ADCY1: variants seen among roughly 807,000 people sequenced by gnomAD.
ADCY1 encodes the protein adenylate cyclase type 1.
ADCY1 carries 28 observed loss-of-function variants against 105.4 expected under a neutral mutation model. That is an observed-to-expected ratio of 0.27 (90% confidence interval 0.20 to 0.36). The LOEUF (loss-of-function observed/expected upper bound fraction) is 0.36, where lower values mean the gene tolerates loss of function less well. Among genes scored for constraint, ADCY1 ranks in the 10% least tolerant of loss-of-function variants. The probability of loss-of-function intolerance (pLI) is 1.00; values close to 1 mark genes in which losing one functional copy is unlikely to be tolerated. For missense variants in ADCY1, 977 were observed against 1,434.2 expected (o/e 0.68, Z 5.15); for synonymous variants, 655 against 623.8 (o/e 1.05, Z -0.75).
chr7:45,576,331 A>G (rs1792346949), intron 1 of ADCY1, among the ~76,000 whole-genome samples: 1 of 152,088 alleles, frequency 6.6e-6, no homozygotes, highest in African/African-American at 2.4e-5. Flanking sequence ...CTGTGATGCC[A>G]GGGGCAGCAC....
intron 10 of ADCY1, 110 bp downstream of exon 10, chr7:45,678,373 T>A: frequency 9.8e-7 from 1 of 1,023,368 alleles, no homozygotes; most frequent in South Asian, 1.3e-5. Flanking sequence ...ATGCTCAAGC[T>A]TCGTCTCCCA....
At position 45,721,973 on chromosome 7, in the gene ADCY1, CTG is replaced by C. The variant is rs1785482777; in HGVS notation, c.*7981_*7982del. 2 of 396,886 alleles carry C rather than the reference CTG, an allele frequency of 5.0e-6. No individual in the cohort carries two copies. The highest frequency in any genetic ancestry group is 8.9e-6 in the Non-Finnish European group (2 of 225,282). The allele number at this position is 396,886 out of a possible 1,614,324, so 24.6% of individuals were successfully genotyped here. Reference sequence around the variant, plus strand: ...GGCTGAATAAATATCTCGTGCAGGACTGTGCAACAGTAGCCCAGAGCATCCTG... The same window carrying C: ...GGCTGAATAAATATCTCGTGCAGGACTGCAACAGTAGCCCAGAGCATCCTG... On this transcript the variant is annotated 3_prime_UTR_variant, in exon 20 of 20. Coordinates refer to ENST00000297323, the MANE Select transcript of ADCY1 (RefSeq NM_021116.4).
At chr7:45,707,332 A>G (rs1023884259) in intron 17 of ADCY1, among the ~76,000 whole-genome samples, 2 of 152,250 alleles carry the variant, frequency 1.3e-5, no homozygotes, top group African/African-American at 4.8e-5. Flanking sequence ...TATATCCATA[A>G]GGTAGAATAT....
intron 1 of ADCY1, among the ~76,000 whole-genome samples, chr7:45,579,139 A>G (rs1410698669): frequency 6.6e-6 from 1 of 152,116 alleles, no homozygotes. Context: ...AGCACGCAGA[A>G]TCATAGGGCT....
chr7:45,659,594 T>C (rs1163635991), intron 6 of ADCY1, among the ~76,000 whole-genome samples: 1 of 152,186 alleles, frequency 6.6e-6, no homozygotes, highest in Non-Finnish European at 1.5e-5. Flanking sequence ...GTGAACACCG[T>C]GGCCACCCCT....
intron 1 of ADCY1, among the ~76,000 whole-genome samples, chr7:45,586,936 C>T (rs1370417171): frequency 6.6e-6 from 1 of 152,262 alleles, no homozygotes; most frequent in Middle Eastern, 3.2e-3. Flanking sequence ...CGACCTGTGC[C>T]TGCACTCTTG....
At position 45,617,189 on chromosome 7, in the gene ADCY1, A is replaced by ATT. The variant is rs545020692; in HGVS notation, c.909-5441_909-5440dup. 2.0e-5 allele frequency among the ~76,000 whole-genome samples: 3 copies of ATT among 152,314 alleles called. No individual in the cohort carries two copies. In the South Asian group the frequency reaches 6.2e-4, roughly 32 times the overall value. On this transcript the variant is annotated intron_variant, in intron 3 of 19. Transcript: ENST00000297323. ...CCTAGGCATTCAGGAAATGTGGGCT[A>ATT]TTTGCTTGTGGAACTGGAGCAAAGC...
At position 45,722,070 on chromosome 7, in the gene ADCY1, C is replaced by T; in HGVS notation, c.*8075C>T. ...CCGACGGCAGCCAGAACTTGTTTCT[C>T]ACCTCCCACCAGCAACCCCCCACCC... is the stretch of plus-strand genomic sequence containing the variant. On this transcript the variant is annotated 3_prime_UTR_variant, in exon 20 of 20. Transcript: ENST00000297323. 1 of 366,094 alleles carries T rather than the reference C, an allele frequency of 2.7e-6. No individual in the cohort carries two copies. Among genetic ancestry groups the T allele is most frequent in the Non-Finnish European group, 4.9e-6 (1 of 205,484 alleles). The allele number at this position is 366,094 out of a possible 1,614,324, so 22.7% of individuals were successfully genotyped here.
intron 8 of ADCY1, among the ~76,000 whole-genome samples, chr7:45,673,587 C>T (rs1784401127): frequency 6.6e-6 from 1 of 151,724 alleles, no homozygotes. Flanking sequence ...CCTTCATTAA[C>T]CTTTTGATGC....
At position 45,708,532 on chromosome 7, in the gene ADCY1, A is replaced by T; in HGVS notation, c.2932+68A>T. 1 of 1,223,066 alleles carries T rather than the reference A, an allele frequency of 8.2e-7. No individual in the cohort carries two copies. The highest frequency in any genetic ancestry group is 1.7e-5 in the Admixed American group (1 of 57,330). The allele number at this position is 1,223,066 out of a possible 1,614,324, so 75.8% of individuals were successfully genotyped here. On this transcript the variant is annotated intron_variant, in intron 18 of 19. Transcript: ENST00000297323. The surrounding 1 kb of genome is among the most constrained non-coding windows in gnomAD (Gnocchi z 4.7). The stretch of plus-strand genomic sequence containing the variant: ...CTTCCTACACCCACCTAGGGGTGGG[A>T]TCAGCTGATGAGGTACCCTGGTCTT...
chr7:45,608,388 G>A (rs757505530), intron 2 of ADCY1, among the ~76,000 whole-genome samples: 1 of 152,196 alleles, frequency 6.6e-6, no homozygotes. Flanking sequence ...ACATCTAGCT[G>A]CATGGGAGGC....
intron 3 of ADCY1, among the ~76,000 whole-genome samples, chr7:45,619,992 A>T (rs1256651137): frequency 6.6e-6 from 1 of 152,230 alleles, no homozygotes; most frequent in African/African-American, 2.4e-5. Context: ...CACAATTTTT[A>T]TGTCAATGGT....
At chr7:45,664,613 T>G (rs1795220895) in intron 8 of ADCY1, 2 of 913,812 alleles carry the variant, frequency 2.2e-6, no homozygotes, top group Admixed American at 3.4e-5. Flanking sequence ...AACATTTTGT[T>G]CCTTCCAGTT....
chr7:45,695,024 G>A (rs925171500), intron 14 of ADCY1, among the ~76,000 whole-genome samples: 2 of 152,218 alleles, frequency 1.3e-5, no homozygotes, highest in African/African-American at 4.8e-5. Flanking sequence ...AACTCAAGCT[G>A]CCTTGGGCTT....
At chr7:45,693,470 CTT>C (rs1584336398) in intron 14 of ADCY1, among the ~76,000 whole-genome samples, 1 of 144,742 alleles carries the variant, frequency 6.9e-6, no homozygotes, top group East Asian at 2.0e-4. Context: ...GTCCTGGACT[CTT>C]TTTGGTTGGT....
At chr7:45,622,247 T>G (rs915912898) in intron 3 of ADCY1, among the ~76,000 whole-genome samples, 2 of 152,134 alleles carry the variant, frequency 1.3e-5, no homozygotes, top group African/African-American at 4.8e-5. Flanking sequence ...GGGGCCCACA[T>G]GCTGAAAAGC....
At chr7:45,585,439 CTTTTTTTT>C (rs56193100) in intron 1 of ADCY1, among the ~76,000 whole-genome samples, 1 of 121,122 alleles carries the variant, frequency 8.3e-6, no homozygotes, top group African/African-American at 3.1e-5. Flanking sequence ...GTGGGTACAT[CTTTTTTTT>C]TTTTTTTTTT....
intron 5 of ADCY1, among the ~76,000 whole-genome samples, chr7:45,656,015 T>TG (rs1361524848): frequency 6.6e-6 from 1 of 152,058 alleles, no homozygotes; most frequent in Admixed American, 6.6e-5. Context: ...CAGCTGGGCA[T>TG]GGTGGCTCAC....
At chr7:45,688,820 C>A (rs529849683) in intron 14 of ADCY1, among the ~76,000 whole-genome samples, 1 of 151,958 alleles carries the variant, frequency 6.6e-6, no homozygotes, top group South Asian at 2.1e-4. Context: ...AGTCCTGTAA[C>A]GATTACTATA....
Sources: gnomAD v4.1 joint callset for allele counts (sites outside exome capture counted in the v4.1 genomes callset) on GRCh38, gnomAD v4.1.1 for gene constraint, Gnocchi (gnomAD v3.1) non-coding constraint, MANE v1.5 for transcripts, NCBI Gene and HGNC (gene_info 2026-07-23, HGNC 2026-07-21) for gene names.